The following PPFIA2 variants were observed in gnomAD, a reference collection of about 807,000 sequenced individuals.
PPFIA2 encodes liprin-alpha-2.
A neutral mutation model predicts 175.5 loss-of-function variants in PPFIA2; 46 were observed. That is an observed-to-expected ratio of 0.26 (90% confidence interval 0.21 to 0.34). The LOEUF (loss-of-function observed/expected upper bound fraction) is 0.34, where lower values mean the gene tolerates loss of function less well. Ranked by LOEUF, PPFIA2 falls within the 10% of genes least tolerant of loss-of-function variation. The probability of loss-of-function intolerance (pLI) is 1.00; values close to 1 mark genes in which losing one functional copy is unlikely to be tolerated. For synonymous variants in PPFIA2, 568 were observed against 511.4 expected, an observed-to-expected ratio of 1.11 and a Z score of -1.49; for missense variants, 1,179 against 1,506.1, an observed-to-expected ratio of 0.78 and a Z score of 3.60.
intron 21 of PPFIA2, among the ~76,000 whole-genome samples, chr12:81,334,926 T>C (rs1351459235): frequency 2.0e-5 from 3 of 152,198 alleles, no homozygotes; most frequent in Non-Finnish European, 4.4e-5. Flanking sequence ...TTAATCCACA[T>C]CATCATAAAT....
chr12:81,306,550 T>C (rs2049248512), intron 22 of PPFIA2, among the ~76,000 whole-genome samples: 1 of 149,760 alleles, frequency 6.7e-6, no homozygotes, highest in African/African-American at 2.4e-5. Flanking sequence ...TGTTTTTTTT[T>C]TTTTTTTTTT....
intron 4 of PPFIA2, among the ~76,000 whole-genome samples, chr12:81,489,543 C>T (rs1567036556): frequency 6.6e-6 from 1 of 151,784 alleles, no homozygotes; most frequent in East Asian, 1.9e-4. Context: ...TAACCTTTTC[C>T]CTACTTTTCT....
chr12:81,612,517 G>A (rs765389517), intron 4 of PPFIA2, among the ~76,000 whole-genome samples: 182 of 152,080 alleles, frequency 1.2e-3, no homozygotes, highest in African/African-American at 2.1e-3. Flanking sequence ...AAAAAACTTC[G>A]AATACCTCAG....
chr12:81,457,126 G>A (rs1259834915), intron 5 of PPFIA2, among the ~76,000 whole-genome samples: 5 of 151,824 alleles, frequency 3.3e-5, no homozygotes, highest in Non-Finnish European at 7.4e-5. Context: ...TGGGACTGCA[G>A]GTGCGTGCCA....
intron 4 of PPFIA2, among the ~76,000 whole-genome samples, chr12:81,480,581 G>A (rs1342104244): frequency 7.9e-5 from 12 of 152,040 alleles, no homozygotes; most frequent in Non-Finnish European, 1.0e-4. Flanking sequence ...GGTGACCTTC[G>A]GATGGGGTTT....
chr12:81,507,335 C>A (rs1268880483), intron 4 of PPFIA2, among the ~76,000 whole-genome samples: 1 of 152,084 alleles, frequency 6.6e-6, no homozygotes, highest in East Asian at 1.9e-4. Context: ...TCTCCCATTT[C>A]TTCCATAATA....
At chr12:81,516,700 T>G (rs1349302274) in intron 4 of PPFIA2, among the ~76,000 whole-genome samples, 1 of 152,228 alleles carries the variant, frequency 6.6e-6, no homozygotes, top group Non-Finnish European at 1.5e-5. Context: ...CAGAAGGAAC[T>G]AACCCTGCAA....
chr12:81,327,966 T>C (rs2055190690), intron 21 of PPFIA2, among the ~76,000 whole-genome samples: 1 of 152,142 alleles, frequency 6.6e-6, no homozygotes, highest in Admixed American at 6.6e-5. Flanking sequence ...CAAGTACAAA[T>C]GGGACGTAAG....
intron 4 of PPFIA2, among the ~76,000 whole-genome samples, chr12:81,462,717 T>C (rs1216299503): frequency 4.6e-5 from 7 of 151,090 alleles, no homozygotes; most frequent in Non-Finnish European, 4.4e-5. Context: ...CACCTAGGAA[T>C]AGGCTAGCTC....
At chr12:81,384,890 C>T (rs1348615392) in intron 8 of PPFIA2, among the ~76,000 whole-genome samples, 1 of 152,058 alleles carries the variant, frequency 6.6e-6, no homozygotes, top group African/African-American at 2.4e-5. Context: ...ATTTTGAGAG[C>T]TGATTTTTCT....
At chr12:81,332,032 T>C (rs2056229169) in intron 21 of PPFIA2, among the ~76,000 whole-genome samples, 1 of 152,132 alleles carries the variant, frequency 6.6e-6, no homozygotes, top group South Asian at 2.1e-4. Context: ...ATAGTAAATG[T>C]TTAAATATTT....
intron 16 of PPFIA2, among the ~76,000 whole-genome samples, chr12:81,354,436 C>T (rs1199955629): frequency 1.3e-5 from 2 of 152,168 alleles, no homozygotes; most frequent in Non-Finnish European, 2.9e-5. Context: ...CAAGAAACCA[C>T]TTTCTGTTCA....
intron 3 of PPFIA2, among the ~76,000 whole-genome samples, chr12:81,722,721 G>A (rs1003382593): frequency 6.6e-6 from 1 of 150,694 alleles, no homozygotes; most frequent in African/African-American, 2.4e-5. Flanking sequence ...TCCTACGAAG[G>A]AAGTTTTATA....
At chr12:81,624,413 A>T (rs1168648440) in intron 4 of PPFIA2, among the ~76,000 whole-genome samples, 2 of 147,518 alleles carry the variant, frequency 1.4e-5, no homozygotes, top group Non-Finnish European at 3.0e-5. Flanking sequence ...TTCACTATAA[A>T]ATATATATAC....
chr12:81,751,564 CAT>C (rs1365364753), intron 3 of PPFIA2, among the ~76,000 whole-genome samples: 6 of 142,110 alleles, frequency 4.2e-5, no homozygotes, highest in East Asian at 2.0e-4. Context: ...CACACACACA[CAT>C]ATACAGAGAG....
intron 4 of PPFIA2, among the ~76,000 whole-genome samples, chr12:81,524,821 C>A (rs2063557860): frequency 6.6e-6 from 1 of 152,178 alleles, no homozygotes. Flanking sequence ...AAACCCTAAC[C>A]TCCAAGGTGA....
At chr12:81,367,385 G>T (rs969475054) in intron 13 of PPFIA2, among the ~76,000 whole-genome samples, 1 of 151,490 alleles carries the variant, frequency 6.6e-6, no homozygotes, top group African/African-American at 2.4e-5. Flanking sequence ...ATGCTATTTT[G>T]TAACACTTGA....
At chr12:81,502,777 C>T (rs1286886406) in intron 4 of PPFIA2, among the ~76,000 whole-genome samples, 1 of 152,110 alleles carries the variant, frequency 6.6e-6, no homozygotes, top group Non-Finnish European at 1.5e-5. Flanking sequence ...CAACAACACA[C>T]TATTGATAAT....
At chr12:81,288,249 A>G (rs1369504756) in intron 24 of PPFIA2, among the ~76,000 whole-genome samples, 1 of 151,782 alleles carries the variant, frequency 6.6e-6, no homozygotes, top group Non-Finnish European at 1.5e-5. Flanking sequence ...ACATGTTCTT[A>G]TACAGGGCTG....
Sources: gnomAD v4.1 joint callset for allele counts (sites outside exome capture counted in the v4.1 genomes callset) on GRCh38, gnomAD v4.1.1 for gene constraint, MANE v1.5 for transcripts, NCBI Gene and HGNC (gene_info 2026-07-23, HGNC 2026-07-21) for gene names.